The following ITPRID1 variants were observed in gnomAD, a reference collection of about 807,000 sequenced individuals.
ITPRID1 encodes protein ITPRID1.
ITPRID1 carries 96 observed loss-of-function variants against 95.4 expected under a neutral mutation model. That is an observed-to-expected ratio of 1.01 (90% CI 0.85 to 1.19). The LOEUF (loss-of-function observed/expected upper bound fraction) is 1.19, where lower values mean the gene tolerates loss of function less well. Among genes scored for constraint, ITPRID1 ranks in the 50% most tolerant of loss-of-function variants. ITPRID1 has a pLI of 0.00. For synonymous variants in ITPRID1, 510 were observed against 453.6 expected, an observed-to-expected ratio of 1.12 and a Z score of -1.58; for missense variants, 1,339 against 1,252.9, an observed-to-expected ratio of 1.07 and a Z score of -1.04.
At chr7:31,638,813 G>A (rs1789728698) in intron 10 of ITPRID1, among the ~76,000 whole-genome samples, 1 of 152,112 alleles carries the variant, frequency 6.6e-6, no homozygotes, top group South Asian at 2.1e-4. Flanking sequence ...GACTTGCTCT[G>A]TCGCCCAGGC....
At chr7:31,639,599 C>T (rs1789834770) in intron 10 of ITPRID1, among the ~76,000 whole-genome samples, 1 of 148,578 alleles carries the variant, frequency 6.7e-6, no homozygotes, top group Non-Finnish European at 1.5e-5. Flanking sequence ...TGCAGTGGCG[C>T]AATCTCAGCT....
intron 8 of ITPRID1, among the ~76,000 whole-genome samples, chr7:31,575,854 G>A (rs960560000): frequency 6.6e-6 from 1 of 150,724 alleles, no homozygotes; most frequent in Non-Finnish European, 1.5e-5. Context: ...TTTCAAGTAG[G>A]TAAAATGGGT....
At chr7:31,645,109 G>A (rs1414101640) in intron 12 of ITPRID1, among the ~76,000 whole-genome samples, 1 of 152,162 alleles carries the variant, frequency 6.6e-6, no homozygotes, top group Non-Finnish European at 1.5e-5. Context: ...GCCTCCTAAT[G>A]ACTAAGTGGG....
intron 1 of ITPRID1, 65 bp from the exon 2 acceptor site, chr7:31,549,361 G>A: frequency 8.3e-7 from 1 of 1,198,314 alleles, no homozygotes; most frequent in Non-Finnish European, 1.1e-6. Context: ...CAAACTAACA[G>A]GGTCAAGTTT....
At chr7:31,533,163 A>G (rs1159342988) in intron 1 of ITPRID1, among the ~76,000 whole-genome samples, 5 of 152,160 alleles carry the variant, frequency 3.3e-5, no homozygotes, top group African/African-American at 4.8e-5. Flanking sequence ...AAGGATTTTA[A>G]TTACAAATTC....
chr7:31,519,667 G>A (rs1458811412), intron 1 of ITPRID1, among the ~76,000 whole-genome samples: 4 of 113,328 alleles, frequency 3.5e-5, no homozygotes, highest in African/African-American at 9.6e-5. Flanking sequence ...TATCCTGCTG[G>A]TATTTGTCCC....
intron 1 of ITPRID1, among the ~76,000 whole-genome samples, chr7:31,547,354 C>T (rs150274500): frequency 2.4e-4 from 37 of 152,282 alleles, no homozygotes; most frequent in Middle Eastern, 3.4e-3. Flanking sequence ...ACTCACAGTT[C>T]CACAGGGCTG....
intron 1 of ITPRID1, among the ~76,000 whole-genome samples, chr7:31,519,740 G>T (rs1266812471): frequency 1.3e-5 from 2 of 148,738 alleles, no homozygotes; most frequent in Non-Finnish European, 3.0e-5. Flanking sequence ...GTTGGAGTAG[G>T]TTTACAAAAT....
chr7:31,536,517 C>T (rs1229210006), intron 1 of ITPRID1, among the ~76,000 whole-genome samples: 1 of 152,146 alleles, frequency 6.6e-6, no homozygotes, highest in East Asian at 1.9e-4. Context: ...ATTTTCATCT[C>T]TCTTTCTGTT....
intron 10 of ITPRID1, among the ~76,000 whole-genome samples, chr7:31,589,137 TAATA>T (rs1040650179): frequency 6.1e-4 from 93 of 152,038 alleles, no homozygotes; most frequent in African/African-American, 2.2e-3. Context: ...AAAAGAATTA[TAATA>T]AATAATAAAA....
At chr7:31,515,080 C>T (rs57411598) in intron 1 of ITPRID1, among the ~76,000 whole-genome samples, 2 of 151,848 alleles carry the variant, frequency 1.3e-5, no homozygotes, top group African/African-American at 4.8e-5. Flanking sequence ...TAATATATAG[C>T]TAACTCATAA....
intron 12 of ITPRID1, among the ~76,000 whole-genome samples, chr7:31,648,272 A>G (rs1790659216): frequency 6.6e-6 from 1 of 152,226 alleles, no homozygotes; most frequent in Admixed American, 6.5e-5. Flanking sequence ...GGTTTGGGTC[A>G]GTAGAGCAGA....
At chr7:31,603,235 A>G (rs1786474465) in intron 10 of ITPRID1, among the ~76,000 whole-genome samples, 1 of 152,120 alleles carries the variant, frequency 6.6e-6, no homozygotes. Context: ...CTATTAACAC[A>G]TTTGTGATTC....
downstream of ITPRID1, chr7:31,656,580 G>A (rs2128223542): frequency 1.6e-6 from 1 of 628,144 alleles, no homozygotes; most frequent in Non-Finnish European, 2.0e-6. Context: ...ACCGCTTGAT[G>A]AATGAATGAG....
chr7:31,549,719 C>T (rs1333983668), intron 2 of ITPRID1, among the ~76,000 whole-genome samples: 1 of 152,092 alleles, frequency 6.6e-6, no homozygotes, highest in African/African-American at 2.4e-5. Flanking sequence ...CTGACAAAGC[C>T]AACTGAATGC....
intron 1 of ITPRID1, among the ~76,000 whole-genome samples, chr7:31,530,742 G>A (rs1195537509): frequency 6.6e-6 from 1 of 151,760 alleles, no homozygotes; most frequent in Non-Finnish European, 1.5e-5. Context: ...TTAATACTTG[G>A]GTTCAAACCT....
chr7:31,574,737 T>C lies in ITPRID1; in HGVS notation c.593T>C (p.Leu198Ser), dbSNP rs375679267. 6 of 1,613,570 alleles carry C rather than the reference T, an allele frequency of 3.7e-6. No individual in the cohort carries two copies. In the South Asian group the frequency reaches 4.4e-5, roughly 12 times the overall value. The change falls in exon 8 of 15, where the codon TTG becomes TCG. Residue 198 changes from leucine (L) to serine (S), a missense_variant. Physicochemically the swap from Leu to Ser is moderately radical, Grantham distance 145. Transcript: ENST00000615280. ...CGAATGGACATTGAGAACCCCAACT[T>C]GTACGGTAAGCGAGGTGCCTGTGGC... ...KQRMDIENPN[L>S]YGRFRQLEIL...
intron 12 of ITPRID1, among the ~76,000 whole-genome samples, chr7:31,647,343 A>G (rs1445032901): frequency 6.6e-6 from 1 of 152,184 alleles, no homozygotes; most frequent in Non-Finnish European, 1.5e-5. Flanking sequence ...AGTGAAGATT[A>G]TAAGCAGAGA....
intron 10 of ITPRID1, among the ~76,000 whole-genome samples, chr7:31,583,914 G>A (rs1015703265): frequency 5.3e-5 from 8 of 152,150 alleles, no homozygotes; most frequent in African/African-American, 1.2e-4. Context: ...AATAAGTGCA[G>A]ATAATTTTAA....
Sources: gnomAD v4.1 joint callset for allele counts (sites outside exome capture counted in the v4.1 genomes callset) on GRCh38, gnomAD v4.1.1 for gene constraint, MANE v1.5 for transcripts, NCBI Gene and HGNC (gene_info 2026-07-23, HGNC 2026-07-21) for gene names.